The following TMEM268 variants were observed in gnomAD, a reference collection of about 807,000 sequenced individuals.
TMEM268 encodes transmembrane protein C9orf91.
A neutral mutation model predicts 39.1 loss-of-function variants in TMEM268; 24 were observed. The observed-to-expected ratio is 0.61, with a 90% CI of 0.44 to 0.86. TMEM268 has a LOEUF of 0.86. Among genes scored for constraint, TMEM268 ranks in the 40% least tolerant of loss-of-function variants. The pLI is 0.00. For missense variants in TMEM268, 409 were observed against 428.6 expected (o/e 0.95, Z 0.40); for synonymous variants, 176 against 173.5 (o/e 1.01, Z -0.12).
chr9:114,616,423 T>A (rs1564284484), intron 1 of TMEM268, among the ~76,000 whole-genome samples: 1 of 152,162 alleles, frequency 6.6e-6, no homozygotes, highest in Non-Finnish European at 1.5e-5. Context: ...TGGAGTGCAG[T>A]GGTGCAATCT....
In TMEM268 at chr9:114,614,892, CT is replaced by C. The variant is rs57020988; in HGVS notation, c.-78-2204del. On this transcript the variant is annotated intron_variant, in intron 1 of 8. Coordinates refer to ENST00000288502, the MANE Select transcript of TMEM268 (RefSeq NM_153045.4). ...AAACACCCATGACAGGTGTCACTGC[CT>C]TTTTTTTTTTTTTTTTTTTTTAAGA... Among the ~76,000 whole-genome samples the C allele has an allele frequency of 8.5e-3, 1,094 of 129,190 alleles. 3 individuals carry two copies. Among genetic ancestry groups the C allele is most frequent in the Middle Eastern group, 0.012 (3 of 248 alleles). 84.8% of individuals were successfully genotyped at this position (129,190 alleles called of 152,430 possible). A position where few individuals can be genotyped will look rare whatever the true frequency, so the allele number is the denominator to read the frequency against.
intron 6 of TMEM268, among the ~76,000 whole-genome samples, chr9:114,634,658 G>T (rs1464664632): frequency 6.6e-6 from 1 of 152,296 alleles, no homozygotes; most frequent in East Asian, 1.9e-4. Flanking sequence ...CCCTTGCCTG[G>T]TGGGAGCCCA....
intron 3 of TMEM268, among the ~76,000 whole-genome samples, chr9:114,626,476 A>G (rs1846165179): frequency 6.6e-6 from 1 of 152,198 alleles, no homozygotes; most frequent in Non-Finnish European, 1.5e-5. Context: ...TACATGTATT[A>G]TTTAATATGT....
chr9:114,617,431 A>G (rs1170232418), intron 2 of TMEM268, 130 bp downstream of exon 2: 1 of 741,806 alleles, frequency 1.3e-6, no homozygotes, highest in Non-Finnish European at 2.4e-6. Context: ...CATTTTTACC[A>G]GTTCTGTCTC....
chr9:114,638,076 G>A (rs1846721353), intron 7 of TMEM268, among the ~76,000 whole-genome samples: 1 of 152,138 alleles, frequency 6.6e-6, no homozygotes, highest in Non-Finnish European at 1.5e-5. Flanking sequence ...GAGTCTTGCT[G>A]TGTCACCCAG....
intron 4 of TMEM268, among the ~76,000 whole-genome samples, chr9:114,627,311 T>C (rs7046435): frequency 0.66 from 100,345 of 152,142 alleles, 33,571 homozygotes; most frequent in Non-Finnish European, 0.72. Context: ...GCCAAGACTT[T>C]CCTCCTCTCC....
Position 114,645,512 on chromosome 9 carries a change from G to A in TMEM268, c.*2199G>A, listed in dbSNP as rs889132140. On this transcript the variant is annotated 3_prime_UTR_variant, in exon 9 of 9. Coordinates refer to ENST00000288502, the MANE Select transcript of TMEM268 (RefSeq NM_153045.4). ...TGGAAAGGCTGCTTTGGTCAAGGCT[G>A]AGAGCAGCTTTGCTCAAGGAAATTA... 6.6e-6 allele frequency: 1 copy of A among 152,406 alleles called. No homozygotes were observed. The highest frequency in any genetic ancestry group is 1.5e-5 in the Non-Finnish European group (1 of 68,056). The allele number at this position is 152,406 out of a possible 1,614,324, so 9.4% of individuals were successfully genotyped here.
chr9:114,642,732 C>T (rs879837395), intron 8 of TMEM268, among the ~76,000 whole-genome samples: 7 of 152,112 alleles, frequency 4.6e-5, no homozygotes, highest in Admixed American at 6.5e-5. Context: ...CTTCCTACCT[C>T]GGCCTCCCAA....
intron 8 of TMEM268, 89 bp downstream of exon 8, chr9:114,638,815 A>G: frequency 1.0e-6 from 1 of 997,088 alleles, no homozygotes; most frequent in Non-Finnish European, 1.4e-6. Context: ...AGATTCCCCA[A>G]GACATGCTTC....
chr9:114,607,346 G>A (rs116905709), upstream of TMEM268, among the ~76,000 whole-genome samples: 2,967 of 152,248 alleles, frequency 0.019, 42 homozygotes, highest in Middle Eastern at 0.044. Flanking sequence ...TGATGGGTAT[G>A]GGATGAGTGT....
rs1763487810 is a variant in TMEM268, at chr9:114,637,019, CTG to C, written c.620_621del (p.Val207AlafsTer5). ...GGTTTGTCTACTTCGACCTGGAGAA[CTG>C]TGTGCAGTTTTTGTCTGATCATGTT... ...LWFVYFDLENCVQFLSDHVQE... is the reference protein window; with the variant it reads ...LWFVYFDLENXVQFLSDHVQE... On this transcript the variant is annotated frameshift_variant, in exon 7 of 9. Transcript: ENST00000288502. LOFTEE classifies it high-confidence loss of function. 1 of 1,613,468 alleles carries C rather than the reference CTG, an allele frequency of 6.2e-7. No individual in the cohort carries two copies. Among genetic ancestry groups the C allele is most frequent in the Non-Finnish European group, 8.5e-7 (1 of 1,179,500 alleles).
upstream of TMEM268, among the ~76,000 whole-genome samples, chr9:114,608,076 C>T (rs992828643): frequency 1.3e-5 from 2 of 152,196 alleles, no homozygotes; most frequent in Admixed American, 1.3e-4. Flanking sequence ...CTTTCCAGCA[C>T]ACCTGACTGG....
chr9:114,609,862 GAGAA>G (rs553272341), upstream of TMEM268, among the ~76,000 whole-genome samples: 92 of 152,128 alleles, frequency 6.0e-4, no homozygotes, highest in Non-Finnish European at 7.5e-4. Context: ...GAAAGAGAAA[GAGAA>G]AGAAAGAAAT....
At chr9:114,617,079 G>T in intron 1 of TMEM268, 39 bp from the exon 2 acceptor site, 1 of 669,036 alleles carries the variant, frequency 1.5e-6, no homozygotes, top group Non-Finnish European at 2.5e-6. Context: ...GCTTGCCCAG[G>T]CTCAGGCCTG....
rs538880009 is a variant in TMEM268, at chr9:114,624,209, A to G, written c.107-141A>G. ...CAAATCCAGTCCTTCTCTCAAGAGG[A>G]TTTGAGGATGGCCACCGTGTCCCTC... is the stretch of plus-strand genomic sequence containing the variant. On this transcript the variant is annotated intron_variant, in intron 2 of 8. Coordinates refer to ENST00000288502, the MANE Select transcript of TMEM268 (RefSeq NM_153045.4). The G allele has an allele frequency of 2.1e-6, 3 of 1,444,526 alleles. No individual in the cohort carries two copies. The African/African-American group carries it at 4.3e-5, about 21-fold the overall frequency. The allele number at this position is 1,444,526 out of a possible 1,614,324, so 89.5% of individuals were successfully genotyped here.
chr9:114,622,449 C>T (rs1479931674), intron 2 of TMEM268: 1 of 985,180 alleles, frequency 1.0e-6, no homozygotes, highest in African/African-American at 1.7e-5. Flanking sequence ...TACTGTGGTG[C>T]AAGGAGATCT....
intron 1 of TMEM268, among the ~76,000 whole-genome samples, chr9:114,612,783 G>A (rs1380360217): frequency 2.6e-5 from 4 of 152,148 alleles, no homozygotes; most frequent in African/African-American, 9.7e-5. Context: ...CTGCCTTGTT[G>A]CAATTGTTTG....
At chr9:114,629,050 C>T (rs1846281924) in intron 5 of TMEM268, among the ~76,000 whole-genome samples, 1 of 152,204 alleles carries the variant, frequency 6.6e-6, no homozygotes, top group Non-Finnish European at 1.5e-5. Flanking sequence ...GACTCAGGCT[C>T]ATAGAGTAGC....
In TMEM268 at chr9:114,620,305, C is replaced by T. The variant is rs149494904; in HGVS notation, c.106+3004C>T. Among the ~76,000 whole-genome samples, 990 of 152,190 alleles carry T rather than the reference C, an allele frequency of 6.5e-3. 14 individuals are homozygous for T. The highest frequency in any genetic ancestry group is 0.022 in the African/African-American group (901 of 41,528). On this transcript the variant is annotated intron_variant, in intron 2 of 8. Coordinates refer to ENST00000288502, the MANE Select transcript of TMEM268 (RefSeq NM_153045.4). Reference sequence around the variant, plus strand: ...TGTTGCCCAGGCTGGAATACAGTGGCGTGATTTTGGCTCACTGCAGCCTTG... The same window carrying T: ...TGTTGCCCAGGCTGGAATACAGTGGTGTGATTTTGGCTCACTGCAGCCTTG...
Sources: gnomAD v4.1 joint callset for allele counts (sites outside exome capture counted in the v4.1 genomes callset) on GRCh38, gnomAD v4.1.1 for gene constraint, MANE v1.5 for transcripts, NCBI Gene and HGNC (gene_info 2026-07-23, HGNC 2026-07-21) for gene names.